Variants in JAG1 observed in about 807,000 individuals in gnomAD.
JAG1 encodes the protein jagged canonical Notch ligand 1.
In JAG1, 23 loss-of-function variants were observed where a neutral mutation model predicts 148.7. The ratio of observed to expected loss-of-function variants is 0.15; its 90% CI spans 0.11 to 0.22. JAG1 has a LOEUF of 0.22. Ranked by LOEUF, JAG1 falls within the 10% of genes least tolerant of loss-of-function variation. The pLI is 1.00. For synonymous variants in JAG1, 572 were observed against 598.3 expected (o/e 0.96, Z 0.64); for missense variants, 1,054 against 1,611.2 (o/e 0.65, Z 5.92).
chr20:10,649,771 A>G, intron 9 of JAG1, 136 bp from the exon 10 acceptor site: 1 of 693,642 alleles, frequency 1.4e-6, no homozygotes, highest in Non-Finnish European at 2.6e-6. Context: ...AAGATACTAG[A>G]GGTTCCCTCT....
Position 10,639,360 on chromosome 20 carries a change from G to A in JAG1, c.*138C>T, listed in dbSNP as rs1600177289. On this transcript the variant is annotated 3_prime_UTR_variant, in exon 26 of 26. Transcript: ENST00000254958. The stretch of plus-strand genomic sequence containing the variant: ...CCAACCACAGAAACTACCATTGCCA[G>A]TGTAAGCCAGCTTGTCAAAACTTAA... 4 of 845,288 alleles carry A rather than the reference G, an allele frequency of 4.7e-6. No individual in the cohort carries two copies. The East Asian group carries it at 9.8e-5, about 21-fold the overall frequency. The allele number at this position is 845,288 out of a possible 1,614,324, so 52.4% of individuals were successfully genotyped here.
intron 8 of JAG1, chr20:10,650,848 T>A (rs2067341157): frequency 5.8e-6 from 1 of 171,340 alleles, no homozygotes; most frequent in Non-Finnish European, 1.3e-5. Context: ...TATGAAGTAT[T>A]CACTTTTGTG....
chr20:10,659,167 C>A (rs569221925), intron 3 of JAG1, among the ~76,000 whole-genome samples: 1 of 152,366 alleles, frequency 6.6e-6, no homozygotes, highest in Non-Finnish European at 1.5e-5. Context: ...ACCCAGGAAG[C>A]TGTGTTTCCC....
chr20:10,672,821 C>T lies in JAG1; in HGVS notation c.267G>A (p.Gly89=), dbSNP rs1051415. The change falls in exon 2 of 26, where the codon GGG becomes GGA. Residue 89 remains glycine, a synonymous_variant. Transcript: ENST00000254958. ...ACCCTGAGCCGAAGCTGCAGGGCCCCCCGGCCGTGACGCGGGACTGATACT... is the reference window on the plus strand; with the variant it reads ...ACCCTGAGCCGAAGCTGCAGGGCCCTCCGGCCGTGACGCGGGACTGATACT... ...LKEYQSRVTA[G]GPCSFGSGST... The T allele has an allele frequency of 0.11, 169,926 of 1,613,164 alleles. 10,148 individuals carry two copies. The highest frequency in any genetic ancestry group is 0.12 in the Non-Finnish European group (139,700 of 1,180,018).
intron 2 of JAG1, among the ~76,000 whole-genome samples, chr20:10,665,879 C>T (rs562856300): frequency 7.9e-4 from 120 of 152,294 alleles, no homozygotes; most frequent in Admixed American, 3.6e-3. Context: ...TTAGGTCTTG[C>T]ACAAGAACTT....
rs1489250280 is a variant in JAG1 at position 10,658,652 on chromosome 20, C to T, written c.510G>A (p.Leu170=). 1.9e-6 allele frequency: 3 copies of T among 1,614,258 alleles called. No individual in the cohort carries two copies. Among genetic ancestry groups the T allele is most frequent in the Non-Finnish European group, 2.5e-6 (3 of 1,180,038 alleles). The stretch of plus-strand genomic sequence containing the variant: ...AGTGGGCAACGCCCGTGTTCTGCTT[C>T]AGCGTCTGCCACTGCCGGCTGGGGT... The part of the protein sequence containing the change: ...MINPSRQWQT[L]KQNTGVAHFE... The change falls in exon 4 of 26, where the codon CTG becomes CTA. Residue 170 remains leucine (L), a synonymous_variant. Coordinates refer to ENST00000254958, the MANE Select transcript of JAG1 (RefSeq NM_000214.3).
intron 25 of JAG1, 143 bp from the exon 26 acceptor site, chr20:10,640,098 T>G (rs1339187789): frequency 1.4e-6 from 1 of 720,566 alleles, no homozygotes; most frequent in Non-Finnish European, 2.5e-6. Context: ...TTTTCATCAT[T>G]GCATATGGTC....
At chr20:10,662,152 T>C (rs1267995292) in intron 3 of JAG1, 1 of 152,232 alleles carries the variant, frequency 6.6e-6, no homozygotes, top group African/African-American at 2.4e-5. Flanking sequence ...AAGTGAGTTT[T>C]GATAACCTGC....
intron 4 of JAG1, 149 bp from the exon 5 acceptor site, chr20:10,656,607 G>A (rs904367811): frequency 7.3e-6 from 5 of 683,860 alleles, no homozygotes; most frequent in African/African-American, 1.8e-5. Context: ...GAAGATGGGA[G>A]GGGCCCAAAT....
At chr20:10,647,565 G>A (rs2067317786) in intron 13 of JAG1, among the ~76,000 whole-genome samples, 1 of 152,218 alleles carries the variant, frequency 6.6e-6, no homozygotes, top group Non-Finnish European at 1.5e-5. Flanking sequence ...TCAGTTTCTA[G>A]TTACACTAGT....
In JAG1 at chr20:10,652,547, C is replaced by G. The variant is rs753646278; in HGVS notation, c.807G>C (p.Pro269=). 5.0e-6 allele frequency: 8 copies of G among 1,614,066 alleles called. No individual in the cohort carries two copies. The highest frequency in any genetic ancestry group is 2.7e-5 in the African/African-American group (2 of 75,046). The part of the protein sequence containing the change: ...GLYCDKCIPH[P]GCVHGICNEP... ...CATTACAGATGCCGTGGACGCATCC[C>G]GGGTGTGGGATGCACTTATCACAGT... The change falls in exon 6 of 26, where the codon CCG becomes CCC. Residue 269 remains proline (P), a synonymous_variant. Coordinates refer to ENST00000254958, the MANE Select transcript of JAG1 (RefSeq NM_000214.3).
At chr20:10,647,605 C>T (rs558898698) in intron 13 of JAG1, among the ~76,000 whole-genome samples, 11 of 152,192 alleles carry the variant, frequency 7.2e-5, no homozygotes, top group Non-Finnish European at 1.5e-4. Context: ...GGCTCCCATA[C>T]CTGACCGTGC....
In JAG1 at chr20:10,646,837, A is replaced by C; in HGVS notation, c.1885+102T>G. Reference sequence around the variant, plus strand: ...CGAAATTCGGTCTCAAAAAAAAAAAAAAAACTTTCAACACCAATGATCCCA... The same window carrying C: ...CGAAATTCGGTCTCAAAAAAAAAAACAAAACTTTCAACACCAATGATCCCA... On this transcript the variant is annotated intron_variant, in intron 14 of 25. Coordinates refer to ENST00000254958, the MANE Select transcript of JAG1 (RefSeq NM_000214.3). 3 of 1,260,632 alleles carry C rather than the reference A, an allele frequency of 2.4e-6. No individual in the cohort carries two copies. In the South Asian group the frequency reaches 3.7e-5, roughly 15 times the overall value. 78.1% of individuals were successfully genotyped at this position (1,260,632 alleles called of 1,614,324 possible). A position where few individuals can be genotyped will look rare whatever the true frequency, so the allele number is the denominator to read the frequency against.
chr20:10,652,135 T>C lies in JAG1; in HGVS notation c.1002A>G (p.Glu334=). 6.2e-7 allele frequency: 1 copy of C among 1,614,058 alleles called. No homozygotes were observed. The highest frequency in any genetic ancestry group is 8.5e-7 in the Non-Finnish European group (1 of 1,179,960). ...CATTCATCTTGGACCACTTACCAAT[T>C]TCACAGTTGGGTCCTGAATACCCCT... ...CPEGYSGPNC[E]IAEHACLSDP... Residue 334 remains glutamate (E), a synonymous_variant, in exon 7 of 26, where the codon GAA becomes GAG. Coordinates refer to ENST00000254958, the MANE Select transcript of JAG1 (RefSeq NM_000214.3).
In JAG1 at chr20:10,638,278, A is replaced by G. The variant is rs2067246016; in HGVS notation, c.*1220T>C. 1 of 144,282 alleles carries G rather than the reference A, an allele frequency of 6.9e-6. No homozygotes were observed. Among genetic ancestry groups the G allele is most frequent in the Non-Finnish European group, 1.5e-5 (1 of 65,246 alleles). 8.9% of individuals were successfully genotyped at this position (144,282 alleles called of 1,614,324 possible). A position where few individuals can be genotyped will look rare whatever the true frequency, so the allele number is the denominator to read the frequency against. ...CAACTAGCTTATTAGAATACTCCCT[A>G]AATGCAGTAGATTAAAAAAAAAAAT... On this transcript the variant is annotated 3_prime_UTR_variant, in exon 26 of 26. Coordinates refer to ENST00000254958, the MANE Select transcript of JAG1 (RefSeq NM_000214.3).
chr20:10,654,037 C>T (rs1482607977), intron 5 of JAG1, among the ~76,000 whole-genome samples: 1 of 152,228 alleles, frequency 6.6e-6, no homozygotes, highest in Admixed American at 6.5e-5. Context: ...CAAAAGCGGA[C>T]ACCCACGTTA....
intron 2 of JAG1, among the ~76,000 whole-genome samples, chr20:10,664,373 A>AAC (rs59417356): frequency 0.12 from 16,706 of 144,540 alleles, 980 homozygotes; most frequent in East Asian, 0.2. Flanking sequence ...TGCATGAGGA[A>AAC]ACACACACAC....
chr20:10,648,509 C>T (rs201245299), intron 12 of JAG1, 40 bp downstream of exon 12: 5 of 1,578,104 alleles, frequency 3.2e-6, no homozygotes, highest in Middle Eastern at 2.2e-4. Flanking sequence ...AGCGGCTCTG[C>T]TCTAAAAACT....
Position 10,673,462 on chromosome 20 carries a change from G to T in JAG1, c.69C>A (p.Ala23=). The change falls in exon 1 of 26, where the codon GCC becomes GCA. Residue 23 remains alanine, a synonymous_variant. Transcript: ENST00000254958. This position sits in a 1 kb window ranked among gnomAD's most constrained non-coding sequence, Gnocchi z 4.7. ...GAAGGGCTCCTACCTTGGCTCGCAG[G>T]GCACAGAGCAGGGCGAGCAGGAGGC... ...PLSLLLALLC[A]LRAKVCGASG... is the part of the protein sequence containing the mutation. 7.0e-7 allele frequency: 1 copy of T among 1,435,100 alleles called. No individual in the cohort carries two copies. Among genetic ancestry groups the T allele is most frequent in the South Asian group, 1.5e-5 (1 of 67,024 alleles). 88.9% of individuals were successfully genotyped at this position (1,435,100 alleles called of 1,614,324 possible). A position where few individuals can be genotyped will look rare whatever the true frequency, so the allele number is the denominator to read the frequency against.
Sources: gnomAD v4.1 joint callset for allele counts (sites outside exome capture counted in the v4.1 genomes callset) on GRCh38, gnomAD v4.1.1 for gene constraint, Gnocchi (gnomAD v3.1) non-coding constraint, MANE v1.5 for transcripts, NCBI Gene and HGNC (gene_info 2026-07-23, HGNC 2026-07-21) for gene names.